Variants in BTF3L4 observed in about 807,000 individuals in gnomAD.
BTF3L4 encodes the protein transcription factor BTF3 homolog 4.
A neutral mutation model predicts 16.8 loss-of-function variants in BTF3L4; 6 were observed. That is an observed-to-expected ratio of 0.36 (90% CI 0.20 to 0.71). The LOEUF (loss-of-function observed/expected upper bound fraction) is 0.71. Among genes scored for constraint, BTF3L4 ranks in the 30% least tolerant of loss-of-function variants. BTF3L4 has a pLI of 0.58. For missense variants in BTF3L4, 92 were observed against 186.9 expected (o/e 0.49, Z 2.96); for synonymous variants, 39 against 59.8 (o/e 0.65, Z 1.60).
rs556144994 is a variant in BTF3L4 at position 52,075,853 on chromosome 1, C to T, written c.169-7487C>T. 4.9e-4 allele frequency among the ~76,000 whole-genome samples: 75 copies of T among 151,710 alleles called. 1 individual carries two copies. Among genetic ancestry groups the T allele is most frequent in the Admixed American group, 3.0e-3 (45 of 15,182 alleles). ...TAATTTTTTGTATTTTTAGTAGAGA[C>T]GGGGTTTTATCATGTTGGCCAGGCT... On this transcript the variant is annotated intron_variant, in intron 3 of 5. Transcript: ENST00000313334.
intron 1 of BTF3L4, among the ~76,000 whole-genome samples, chr1:52,056,725 T>C (rs529174106): frequency 6.6e-6 from 1 of 152,356 alleles, no homozygotes; most frequent in African/African-American, 2.4e-5. Context: ...ATACAGGCTC[T>C]CTGTTGTCAT....
intron 3 of BTF3L4, among the ~76,000 whole-genome samples, chr1:52,077,076 A>G (rs1222840849): frequency 1.3e-5 from 2 of 152,044 alleles, no homozygotes; most frequent in Non-Finnish European, 2.9e-5. Flanking sequence ...GCTGAGGCAG[A>G]AGGATCCCTT....
chr1:52,061,014 C>G (rs778136100), intron 2 of BTF3L4, among the ~76,000 whole-genome samples: 4 of 152,112 alleles, frequency 2.6e-5, no homozygotes, highest in Non-Finnish European at 5.9e-5. Context: ...CTACTGTGTG[C>G]CAGCACATAG....
At chr1:52,081,317 A>T (rs1643918686) in intron 3 of BTF3L4, among the ~76,000 whole-genome samples, 1 of 151,758 alleles carries the variant, frequency 6.6e-6, no homozygotes, top group African/African-American at 2.4e-5. Flanking sequence ...TATTTTTAGT[A>T]GAGATGGGGT....
At chr1:52,084,106 G>C (rs1399589960) in intron 4 of BTF3L4, among the ~76,000 whole-genome samples, 5 of 151,660 alleles carry the variant, frequency 3.3e-5, no homozygotes, top group Non-Finnish European at 7.4e-5. Flanking sequence ...GTAGTGCCCA[G>C]ATCTTCAGGC....
At chr1:52,066,477 C>T (rs955197534) in intron 3 of BTF3L4, among the ~76,000 whole-genome samples, 7 of 148,870 alleles carry the variant, frequency 4.7e-5, no homozygotes, top group Admixed American at 1.3e-4. Context: ...GCTGGGATTA[C>T]AGGCGTGAGC....
intron 3 of BTF3L4, among the ~76,000 whole-genome samples, chr1:52,075,448 A>T (rs1187316418): frequency 2.0e-5 from 3 of 150,230 alleles, no homozygotes; most frequent in Admixed American, 2.0e-4. Flanking sequence ...CTTGAACCCA[A>T]GAGGCAGAGG....
intron 3 of BTF3L4, among the ~76,000 whole-genome samples, chr1:52,075,064 A>AT (rs1409985973): frequency 6.6e-6 from 1 of 151,980 alleles, no homozygotes; most frequent in Non-Finnish European, 1.5e-5. Context: ...GCCAATAATC[A>AT]TTTTTTAAAA....
At chr1:52,058,844 T>C (rs2794992) in intron 1 of BTF3L4, among the ~76,000 whole-genome samples, 140,300 of 152,200 alleles carry the variant, frequency 0.92, 65,530 homozygotes, top group Non-Finnish European at 1. Flanking sequence ...AGGTGATCCA[T>C]CCGCCTCGGC....
At position 52,090,557 on chromosome 1, in the gene BTF3L4, C is replaced by A. The variant is rs186391041; in HGVS notation, c.*3799C>A. ...AATTTCCTATCTGAGCATGTCCTTA[C>A]ATTTACTTCCAGCATACTATTCATT... On this transcript the variant is annotated 3_prime_UTR_variant, in exon 6 of 6. Transcript: ENST00000313334. 1.3e-5 allele frequency: 2 copies of A among 152,296 alleles called. No homozygotes were observed. The highest frequency in any genetic ancestry group is 1.9e-4 in the East Asian group (1 of 5,186). The allele number at this position is 152,296 out of a possible 1,614,324, so 9.4% of individuals were successfully genotyped here.
Position 52,061,223 on chromosome 1 carries a change from T to C in BTF3L4, c.54+1322T>C, listed in dbSNP as rs961401816. On this transcript the variant is annotated intron_variant, in intron 2 of 5. Transcript: ENST00000313334. ...TGGCAGAAAGGTAATGGGTGGTGGC[T>C]CACGCCTGTAATCCCAGCACTTCGG... 2.0e-5 allele frequency among the ~76,000 whole-genome samples: 3 copies of C among 152,148 alleles called. No homozygotes were observed. The South Asian group carries it at 6.2e-4, about 32-fold the overall frequency.
chr1:52,061,652 T>C (rs1269571117), intron 2 of BTF3L4, among the ~76,000 whole-genome samples: 2 of 145,154 alleles, frequency 1.4e-5, no homozygotes, highest in South Asian at 2.2e-4. Context: ...TTTTTTTTTT[T>C]TTTTTGAGAC....
At chr1:52,067,924 T>A (rs1328609298) in intron 3 of BTF3L4, among the ~76,000 whole-genome samples, 1 of 152,100 alleles carries the variant, frequency 6.6e-6, no homozygotes, top group African/African-American at 2.4e-5. Context: ...ATCAAAAATA[T>A]CTCTAGAGAT....
At chr1:52,070,127 G>A (rs2124426441) in intron 3 of BTF3L4, among the ~76,000 whole-genome samples, 1 of 151,710 alleles carries the variant, frequency 6.6e-6, no homozygotes, top group African/African-American at 2.4e-5. Flanking sequence ...TGAGGTAGGA[G>A]AATCGCTTGA....
chr1:52,057,602 A>G (rs1686404981), intron 1 of BTF3L4, among the ~76,000 whole-genome samples: 1 of 152,260 alleles, frequency 6.6e-6, no homozygotes, highest in South Asian at 2.1e-4. Context: ...TTGATTGAGA[A>G]TAGAGAATTA....
rs112287724 is a variant in BTF3L4, at chr1:52,074,097, C to T, written c.168+9159C>T. Among the ~76,000 whole-genome samples, 294 of 152,172 alleles carry T rather than the reference C, an allele frequency of 1.9e-3. 1 individual carries two copies. The highest frequency in any genetic ancestry group is 6.9e-3 in the African/African-American group (286 of 41,528). On this transcript the variant is annotated intron_variant, in intron 3 of 5. Transcript: ENST00000313334. ...GGAGGATACTTTGAGCCCAGGAGTTCTAGGCTGCAGTGAGCTGTGATCTCA... is the reference window on the plus strand; with the variant it reads ...GGAGGATACTTTGAGCCCAGGAGTTTTAGGCTGCAGTGAGCTGTGATCTCA...
rs1354496772 is a variant in BTF3L4, at chr1:52,056,572, G to A, written c.-14+193G>A. On this transcript the variant is annotated intron_variant, in intron 1 of 5. Transcript: ENST00000313334. Reference sequence around the variant, plus strand: ...AGCTGGGGGTCGGCACCTGTGGGAAGGTCCCCAGCACCACCGCCCCCTGTG... The same window carrying A: ...AGCTGGGGGTCGGCACCTGTGGGAAAGTCCCCAGCACCACCGCCCCCTGTG... 3.3e-5 allele frequency among the ~76,000 whole-genome samples: 5 copies of A among 152,358 alleles called. No homozygotes were observed. The East Asian group carries it at 9.6e-4, about 29-fold the overall frequency.
chr1:52,056,724 C>CT (rs1686369819), intron 1 of BTF3L4, among the ~76,000 whole-genome samples: 1 of 152,254 alleles, frequency 6.6e-6, no homozygotes, highest in Non-Finnish European at 1.5e-5. Context: ...TATACAGGCT[C>CT]TCTGTTGTCA....
At chr1:52,057,953 T>C (rs1241341093) in intron 1 of BTF3L4, among the ~76,000 whole-genome samples, 1 of 152,232 alleles carries the variant, frequency 6.6e-6, no homozygotes, top group Non-Finnish European at 1.5e-5. Context: ...TCTGTTCTCT[T>C]GGGAATTGTT....
Sources: allele counts gnomAD v4.1 joint callset (sites outside exome capture counted in the v4.1 genomes callset), GRCh38; gene constraint gnomAD v4.1.1; transcripts MANE v1.5; gene names NCBI Gene and HGNC (gene_info 2026-07-23, HGNC 2026-07-21).